Variants in EFCAB11 observed in about 807,000 individuals in gnomAD.
The protein encoded by EFCAB11 is EF-hand calcium-binding domain-containing protein 11.
In EFCAB11, 14 loss-of-function variants were observed where a neutral mutation model predicts 23.0. That is an observed-to-expected ratio of 0.61 (90% CI 0.40 to 0.95). The LOEUF is 0.95. Ranked by LOEUF, EFCAB11 falls within the 40% of genes least tolerant of loss-of-function variation. The pLI, the probability that EFCAB11 is intolerant of heterozygous loss-of-function variation, is 0.00. For synonymous variants in EFCAB11, 65 were observed against 66.6 expected (o/e 0.98, Z 0.11); for missense variants, 198 against 195.8 (o/e 1.01, Z -0.07).
chr14:89,895,475 G>C (rs1889123784), intron 5 of EFCAB11, among the ~76,000 whole-genome samples: 1 of 152,158 alleles, frequency 6.6e-6, no homozygotes, highest in South Asian at 2.1e-4. Flanking sequence ...GTGAGAAATT[G>C]GTGCAGAGAC....
chr14:89,854,109 T>C (rs558260188), intron 5 of EFCAB11, among the ~76,000 whole-genome samples: 1 of 152,100 alleles, frequency 6.6e-6, no homozygotes, highest in Non-Finnish European at 1.5e-5. Flanking sequence ...AACCATCTGT[T>C]TCAACACCCA....
chr14:89,944,395 G>A (rs1422374015), intron 3 of EFCAB11, among the ~76,000 whole-genome samples: 1 of 152,118 alleles, frequency 6.6e-6, no homozygotes, highest in Non-Finnish European at 1.5e-5. Context: ...TGGGAATTAT[G>A]GGAGTTACAA....
intron 3 of EFCAB11, chr14:89,938,209 T>C (rs905716939): frequency 1.3e-5 from 2 of 152,176 alleles, no homozygotes; most frequent in Non-Finnish European, 2.9e-5. Context: ...TCGCAAGTTA[T>C]TTGGACAGTA....
intron 5 of EFCAB11, among the ~76,000 whole-genome samples, chr14:89,815,953 T>C (rs1208907723): frequency 5.3e-5 from 8 of 152,210 alleles, no homozygotes; most frequent in African/African-American, 2.4e-5. Flanking sequence ...AGGCATTACA[T>C]TGAATCTGTA....
intron 5 of EFCAB11, among the ~76,000 whole-genome samples, chr14:89,847,231 C>G (rs938384829): frequency 6.6e-6 from 1 of 152,178 alleles, no homozygotes; most frequent in Admixed American, 6.5e-5. Flanking sequence ...GCATCCAAAA[C>G]TGCTAATCAT....
chr14:89,946,781 T>TTGACCAGACTGGTCTTTA (rs1891002121), intron 3 of EFCAB11, among the ~76,000 whole-genome samples: 1 of 151,622 alleles, frequency 6.6e-6, no homozygotes, highest in Admixed American at 6.6e-5. Flanking sequence ...TCATACTATG[T>TTGACCAGACTGGTCTTTA]TGACCAGACT....
At chr14:89,934,122 G>C (rs1054023733) in intron 3 of EFCAB11, among the ~76,000 whole-genome samples, 4 of 152,156 alleles carry the variant, frequency 2.6e-5, no homozygotes, top group Admixed American at 2.0e-4. Flanking sequence ...TAAATAATTT[G>C]GGTTTTATTT....
intron 5 of EFCAB11, among the ~76,000 whole-genome samples, chr14:89,859,636 A>G (rs1190955634): frequency 1.3e-5 from 2 of 152,154 alleles, no homozygotes; most frequent in Non-Finnish European, 2.9e-5. Context: ...ATATTTATGG[A>G]GCACCTGAGC....
At chr14:89,907,016 A>C (rs577884347) in intron 5 of EFCAB11, among the ~76,000 whole-genome samples, 56 of 152,340 alleles carry the variant, frequency 3.7e-4, no homozygotes, top group African/African-American at 1.1e-3. Flanking sequence ...AAGGTATTTT[A>C]AAGCTAGAAG....
At chr14:89,862,751 T>TAAC (rs1887964377) in intron 5 of EFCAB11, among the ~76,000 whole-genome samples, 1 of 152,224 alleles carries the variant, frequency 6.6e-6, no homozygotes, top group Admixed American at 6.5e-5. Flanking sequence ...GTATCATAGA[T>TAAC]AACAACTCTG....
intron 5 of EFCAB11, among the ~76,000 whole-genome samples, chr14:89,882,664 T>C (rs1032423321): frequency 6.6e-6 from 1 of 152,250 alleles, no homozygotes; most frequent in Non-Finnish European, 1.5e-5. Flanking sequence ...GAATTTTCAC[T>C]GTTCTTAGGA....
At chr14:89,873,040 C>G (rs1888330727) in intron 5 of EFCAB11, among the ~76,000 whole-genome samples, 1 of 152,130 alleles carries the variant, frequency 6.6e-6, no homozygotes, top group African/African-American at 2.4e-5. Flanking sequence ...TGTTCTCACA[C>G]TAGTATTAGT....
intron 3 of EFCAB11, among the ~76,000 whole-genome samples, chr14:89,946,916 G>A (rs1420444647): frequency 6.6e-6 from 1 of 151,790 alleles, no homozygotes; most frequent in African/African-American, 2.4e-5. Flanking sequence ...ATTCATATGT[G>A]TCTTTTTTTT....
In EFCAB11 at chr14:89,797,064, TC is replaced by T; in HGVS notation, c.*178del. 2.7e-6 allele frequency: 1 copy of T among 366,762 alleles called. No homozygotes were observed. Among genetic ancestry groups the T allele is most frequent in the East Asian group, 4.0e-5 (1 of 24,758 alleles). The allele number at this position is 366,762 out of a possible 1,614,324, so 22.7% of individuals were successfully genotyped here. On this transcript the variant is annotated 3_prime_UTR_variant, in exon 6 of 6. Coordinates refer to ENST00000316738, the MANE Select transcript of EFCAB11 (RefSeq NM_145231.4). ...TATTGCATGCCTGTGCCAAAATATC[TC>T]CCGTAACCCATATATGTGTGTGTAT...
intron 5 of EFCAB11, among the ~76,000 whole-genome samples, chr14:89,919,687 T>C (rs2139783733): frequency 6.6e-6 from 1 of 152,280 alleles, no homozygotes; most frequent in East Asian, 1.9e-4. Flanking sequence ...GTACTTGTTC[T>C]GCCTTTCCTG....
chr14:89,820,552 A>G (rs562952333), intron 5 of EFCAB11, among the ~76,000 whole-genome samples: 1 of 151,674 alleles, frequency 6.6e-6, no homozygotes, highest in Admixed American at 6.6e-5. Context: ...TAGACAGGCG[A>G]CATCACATAT....
intron 5 of EFCAB11, among the ~76,000 whole-genome samples, chr14:89,833,457 T>C (rs1886955304): frequency 6.6e-6 from 1 of 152,230 alleles, no homozygotes; most frequent in Admixed American, 6.5e-5. Context: ...GTTCACATAA[T>C]TATTTGTCGG....
chr14:89,920,560 T>C (rs2139785236), intron 5 of EFCAB11, among the ~76,000 whole-genome samples: 1 of 152,334 alleles, frequency 6.6e-6, no homozygotes, highest in Middle Eastern at 3.4e-3. Flanking sequence ...TCTGAGCTTT[T>C]CCCTCATGTG....
intron 5 of EFCAB11, among the ~76,000 whole-genome samples, chr14:89,854,547 C>T (rs1313447701): frequency 1.8e-4 from 27 of 152,220 alleles, no homozygotes; most frequent in Non-Finnish European, 2.9e-5. Flanking sequence ...TACATGCCTA[C>T]GATCCAGCTG....
Sources: gnomAD v4.1 joint callset for allele counts (sites outside exome capture counted in the v4.1 genomes callset) on GRCh38, gnomAD v4.1.1 for gene constraint, MANE v1.5 for transcripts, NCBI Gene and HGNC (gene_info 2026-07-23, HGNC 2026-07-21) for gene names.